EFEMP2: variants seen among roughly 807,000 people sequenced by gnomAD.
EFEMP2 encodes the protein EGF-like fibulin extracellular matrix protein 2, also known as EGF-containing fibulin-like extracellular matrix protein 2.
EFEMP2 carries 21 observed loss-of-function variants against 55.3 expected under a neutral mutation model. The observed-to-expected ratio is 0.38, with a 90% CI of 0.27 to 0.55. The LOEUF is 0.55. Ranked by LOEUF, EFEMP2 falls within the 20% of genes least tolerant of loss-of-function variation. EFEMP2 has a pLI of 0.77. For synonymous variants in EFEMP2, 275 were observed against 242.3 expected (o/e 1.14, Z -1.25); for missense variants, 513 against 615.1 (o/e 0.83, Z 1.76).
chr11:65,870,065 C>G lies in EFEMP2; in HGVS notation c.607+56G>C, dbSNP rs573510987. The G allele has an allele frequency of 3.8e-3, 6,209 of 1,612,870 alleles. 20 individuals carry two copies. Among genetic ancestry groups the G allele is most frequent in the Non-Finnish European group, 4.9e-3 (5,829 of 1,179,498 alleles). On this transcript the variant is annotated intron_variant, in intron 6 of 10. Transcript: ENST00000307998. ...CCTGGGCTGGTCAAGAAGGGAGCGCCCCCACCTCACACCTCCCTGCCCAGG... is the reference window on the plus strand; with the variant it reads ...CCTGGGCTGGTCAAGAAGGGAGCGCGCCCACCTCACACCTCCCTGCCCAGG...
chr11:65,870,690 G>A, intron 4 of EFEMP2, 32 bp from the exon 5 acceptor site: 1 of 1,613,520 alleles, frequency 6.2e-7, no homozygotes, highest in Non-Finnish European at 8.5e-7. Context: ...CCCTGCCTGG[G>A]ATCCCGCACA....
intron 4 of EFEMP2, 112 bp downstream of exon 4, chr11:65,871,045 A>C: frequency 7.9e-7 from 1 of 1,261,092 alleles, no homozygotes; most frequent in Non-Finnish European, 1.1e-6. Flanking sequence ...TGTCTGGATG[A>C]GGGTGTGGAC....
At chr11:65,868,212 G>A (rs573550578) in intron 9 of EFEMP2, 83 bp downstream of exon 9, 3 of 1,595,182 alleles carry the variant, frequency 1.9e-6, no homozygotes, top group South Asian at 2.3e-5. Flanking sequence ...AGGGGCACTC[G>A]CTGGTCTGAA....
At chr11:65,871,460 GC>G in intron 3 of EFEMP2, 97 bp from the exon 4 acceptor site, 1 of 1,188,300 alleles carries the variant, frequency 8.4e-7, no homozygotes, top group Non-Finnish European at 1.2e-6. Flanking sequence ...GAGATGTGTG[GC>G]CCCAGCAAAG....
At position 65,868,598 on chromosome 11, in the gene EFEMP2, G is replaced by A. The variant is rs1555042933; in HGVS notation, c.759C>T (p.Leu253=). Residue 253 remains leucine, a synonymous_variant, in exon 8 of 11, where the codon CTC becomes CTT. Transcript: ENST00000307998. ...GCTCGTTGATGCAGCGGTACTGACAGAGGTAGCTGGAGTAGCTACACTCAT... is the reference window on the plus strand; with the variant it reads ...GCTCGTTGATGCAGCGGTACTGACAAAGGTAGCTGGAGTAGCTACACTCAT... ...DIDECSYSSY[L]CQYRCINEPG... The A allele has an allele frequency of 6.2e-7, 1 of 1,613,958 alleles. No individual in the cohort carries two copies. The highest frequency in any genetic ancestry group is 8.5e-7 in the Non-Finnish European group (1 of 1,180,036).
chr11:65,869,774 T>G (rs1299365038), intron 7 of EFEMP2, 83 bp downstream of exon 7: 75 of 1,596,710 alleles, frequency 4.7e-5, no homozygotes, highest in Non-Finnish European at 6.4e-5. Context: ...AGGCCTCAAA[T>G]GGAGAACTGT....
rs1859894434 is a variant in EFEMP2 at position 65,868,126 on chromosome 11, A to C, written c.975-70T>G. 4 of 1,578,996 alleles carry C rather than the reference A, an allele frequency of 2.5e-6. No individual in the cohort carries two copies. In the South Asian group the frequency reaches 4.5e-5, roughly 18 times the overall value. On this transcript the variant is annotated intron_variant, in intron 9 of 10. Coordinates refer to ENST00000307998, the MANE Select transcript of EFEMP2 (RefSeq NM_016938.5). ...CCCCCCAATTTCTCCTACCCTACAA[A>C]GGGAGGGAATCCCAAAAGGACCCTT...
At chr11:65,867,165 G>T (rs1565272238) in intron 10 of EFEMP2, 86 bp from the exon 11 acceptor site, 2 of 1,561,182 alleles carry the variant, frequency 1.3e-6, no homozygotes, top group Non-Finnish European at 1.8e-6. Flanking sequence ...CTGCCCCGTG[G>T]CCGTGAGGCA....
rs777080474 is a variant in EFEMP2 at position 65,868,300 on chromosome 11, A to G, written c.969T>C (p.Ser323=). 37 of 1,613,598 alleles carry G rather than the reference A, an allele frequency of 2.3e-5. No homozygotes were observed. Among genetic ancestry groups the G allele is most frequent in the Non-Finnish European group, 3.1e-5 (36 of 1,180,036 alleles). Reference sequence around the variant, plus strand: ...CTGGCATCGAATTGACTCACTTCTCAGAGACCTGGATGTAGGGCTCCACGC... The same window carrying G: ...CTGGCATCGAATTGACTCACTTCTCGGAGACCTGGATGTAGGGCTCCACGC... ...NRCVEPYIQV[S]ENRCLCPASN... The change falls in exon 9 of 11, where the codon TCT becomes TCC. Residue 323 remains serine, a synonymous_variant. Transcript: ENST00000307998.
At chr11:65,871,854 T>C (rs1222216229) in intron 3 of EFEMP2, 116 bp downstream of exon 3, 1 of 1,312,636 alleles carries the variant, frequency 7.6e-7, no homozygotes, top group Non-Finnish European at 1.1e-6. Flanking sequence ...GAGCTGGGCA[T>C]AGAACGGGCT....
rs1361657266 is a variant in EFEMP2 at position 65,870,171 on chromosome 11, C to G, written c.557G>C (p.Cys186Ser). 4 of 1,613,708 alleles carry G rather than the reference C, an allele frequency of 2.5e-6. No individual in the cohort carries two copies. The highest frequency in any genetic ancestry group is 3.4e-6 in the Non-Finnish European group (4 of 1,180,020). The change falls in exon 6 of 11, where the codon TGC becomes TCC. Residue 186 changes from cysteine to serine, a missense_variant. Cys to Ser is a moderately radical substitution (Grantham distance 112). Coordinates refer to ENST00000307998, the MANE Select transcript of EFEMP2 (RefSeq NM_016938.5). The part of the protein sequence containing the change: ...RCVNLPGSFR[C>S]QCEPGFQLGP... ...CAGCTGGAAGCCCGGCTCGCACTGG[C>G]AGCGGAAGGAGCCAGGCAGGTTCAC...
At chr11:65,869,742 G>T in intron 7 of EFEMP2, 115 bp downstream of exon 7, 1 of 1,520,774 alleles carries the variant, frequency 6.6e-7, no homozygotes, top group Non-Finnish European at 9.0e-7. Context: ...GAGGCAGCTG[G>T]GTGCACAGTG....
intron 10 of EFEMP2, 109 bp downstream of exon 10, chr11:65,867,752 G>T: frequency 8.1e-7 from 1 of 1,239,560 alleles, no homozygotes; most frequent in Non-Finnish European, 1.2e-6. Flanking sequence ...CCGGGGGCGG[G>T]GCTTTGGGGG....
rs747521684 is a variant in EFEMP2, at chr11:65,866,904, C to G, written c.*14G>C. On this transcript the variant is annotated 3_prime_UTR_variant, in exon 11 of 11. Transcript: ENST00000307998. ...GCTAGGGTAGCTGCAGGGAGGGTGG[C>G]TCCCTCCTGCTCCTCAGAAGGTGTA... The G allele has an allele frequency of 6.2e-7, 1 of 1,614,052 alleles. No homozygotes were observed. The highest frequency in any genetic ancestry group is 8.5e-7 in the Non-Finnish European group (1 of 1,179,978).
At position 65,869,859 on chromosome 11, in the gene EFEMP2, CT is replaced by C; in HGVS notation, c.724del (p.Ser242ValfsTer107). The C allele has an allele frequency of 6.2e-7, 1 of 1,613,978 alleles. No homozygotes were observed. The highest frequency in any genetic ancestry group is 1.1e-5 in the South Asian group (1 of 91,092). ...YELHRDGFSC[S>X]DIDECSYSSY... ...CACAGCAGGGATGGAGCTCTCACCACTGCAGGAGAAGCCATCCCGATGCAGC... is the reference window on the plus strand; with the variant it reads ...CACAGCAGGGATGGAGCTCTCACCACGCAGGAGAAGCCATCCCGATGCAGC... On this transcript the variant is annotated frameshift_variant, in exon 7 of 11. Coordinates refer to ENST00000307998, the MANE Select transcript of EFEMP2 (RefSeq NM_016938.5). LOFTEE classifies it high-confidence loss of function.
intron 10 of EFEMP2, chr11:65,867,476 C>T (rs1859874198): frequency 4.7e-6 from 2 of 426,974 alleles, no homozygotes; most frequent in African/African-American, 4.0e-5. Context: ...GAGACCCATG[C>T]ATGCGGCTGC....
intron 7 of EFEMP2, chr11:65,869,492 C>T: frequency 8.5e-6 from 3 of 351,096 alleles, no homozygotes; most frequent in South Asian, 7.0e-5. Flanking sequence ...ATCTATCACA[C>T]TCTCACCTAA....
chr11:65,872,438 C>A, intron 1 of EFEMP2, 77 bp from the exon 2 acceptor site: 2 of 1,037,024 alleles, frequency 1.9e-6, no homozygotes, highest in African/African-American at 1.6e-5. Context: ...CCGAGCCCAG[C>A]CCCCGCCACT....
intron 5 of EFEMP2, 99 bp downstream of exon 5, chr11:65,870,437 C>A (rs1338099242): frequency 6.4e-7 from 1 of 1,568,866 alleles, no homozygotes; most frequent in Non-Finnish European, 8.7e-7. Flanking sequence ...GTGGCAGGGG[C>A]CGGGGGTGAA....
Sources: gnomAD v4.1 joint callset for allele counts on GRCh38, gnomAD v4.1.1 for gene constraint, MANE v1.5 for transcripts, NCBI Gene and HGNC (gene_info 2026-07-23, HGNC 2026-07-21) for gene names.